EIPR1: variants seen among roughly 807,000 people sequenced by gnomAD.
The protein encoded by EIPR1 is EARP and GARP complex-interacting protein 1.
Under a neutral mutation model 48.1 loss-of-function variants are expected in EIPR1, and 25 were observed. The observed-to-expected ratio is 0.52, with a 90% CI of 0.38 to 0.73. The LOEUF (loss-of-function observed/expected upper bound fraction) is 0.73, where lower values mean the gene tolerates loss of function less well. Among genes scored for constraint, EIPR1 ranks in the 30% least tolerant of loss-of-function variants. The pLI, the probability that EIPR1 is intolerant of heterozygous loss-of-function variation, is 0.00. For synonymous variants in EIPR1, 204 were observed against 201.9 expected, an observed-to-expected ratio of 1.01 and a Z score of -0.09; for missense variants, 415 against 506.2, an observed-to-expected ratio of 0.82 and a Z score of 1.73.
chr2:3,355,999 C>T (rs1042881130), intron 1 of EIPR1, among the ~76,000 whole-genome samples: 1 of 152,148 alleles, frequency 6.6e-6, no homozygotes, highest in East Asian at 1.9e-4. Flanking sequence ...AGGAGACTTA[C>T]TAGCGAGTGC....
intron 3 of EIPR1, among the ~76,000 whole-genome samples, chr2:3,317,271 G>A (rs1359052311): frequency 6.6e-6 from 1 of 151,804 alleles, no homozygotes; most frequent in Non-Finnish European, 1.5e-5. Flanking sequence ...TGCATGCCGG[G>A]TAGAGAACAG....
At position 3,192,485 on chromosome 2, in the gene EIPR1, C is replaced by T. The variant is rs562421827; in HGVS notation, c.918G>A (p.Ser306=). The T allele has an allele frequency of 2.2e-5, 35 of 1,613,084 alleles. No homozygotes were observed. The highest frequency in any genetic ancestry group is 3.3e-5 in the Admixed American group (2 of 59,938). Residue 306 remains serine (S), a synonymous_variant, in exon 8 of 9, where the codon TCG becomes TCA. Coordinates refer to ENST00000382125, the MANE Select transcript of EIPR1 (RefSeq NM_003310.5). ...CTACCAAGTGGCCGAAGGGCTCCGA[C>T]GAGATGGACACCATGTTGGAAAGGA... ...RVILSNMVSI[S]SEPFGHLVDD... is the part of the protein sequence containing the mutation.
chr2:3,231,057 T>C (rs552329757), intron 4 of EIPR1, among the ~76,000 whole-genome samples: 1 of 152,370 alleles, frequency 6.6e-6, no homozygotes, highest in Admixed American at 6.5e-5. Flanking sequence ...TGTACAGATC[T>C]TTCACTGCCT....
chr2:3,341,095 C>CAAAAAAAAAAAA (rs55667121), intron 2 of EIPR1, among the ~76,000 whole-genome samples: 44 of 22,172 alleles, frequency 2.0e-3, no homozygotes, highest in Non-Finnish European at 2.9e-3. Flanking sequence ...GATCCTGTCT[C>CAAAAAAAAAAAA]AAAAAAAAAA....
At chr2:3,323,849 C>T (rs1440734481) in intron 3 of EIPR1, among the ~76,000 whole-genome samples, 1 of 152,236 alleles carries the variant, frequency 6.6e-6, no homozygotes, top group East Asian at 1.9e-4. Context: ...CATAAGGAGG[C>T]AGCACAGTGC....
At chr2:3,341,284 A>G (rs1670240162) in intron 2 of EIPR1, among the ~76,000 whole-genome samples, 1 of 152,050 alleles carries the variant, frequency 6.6e-6, no homozygotes, top group African/African-American at 2.4e-5. Context: ...AGGCAAAACC[A>G]ACTGAGGTAA....
At chr2:3,281,622 G>C (rs1414215699) in intron 3 of EIPR1, among the ~76,000 whole-genome samples, 1 of 152,174 alleles carries the variant, frequency 6.6e-6, no homozygotes, top group African/African-American at 2.4e-5. Flanking sequence ...CGCGTGCCTG[G>C]AAGGGCTCAG....
intron 3 of EIPR1, among the ~76,000 whole-genome samples, chr2:3,334,856 G>A (rs62119492): frequency 0.17 from 26,217 of 152,246 alleles, 2,445 homozygotes; most frequent in Non-Finnish European, 0.21. Context: ...TGCCTTCAAA[G>A]TCTGGCAGAA....
intron 4 of EIPR1, among the ~76,000 whole-genome samples, chr2:3,217,854 G>C (rs1034554854): frequency 2.6e-5 from 4 of 152,150 alleles, no homozygotes; most frequent in East Asian, 1.9e-4. Flanking sequence ...ACCCCACAGA[G>C]TGTGAGTGTC....
At chr2:3,274,130 G>A (rs573698583) in intron 3 of EIPR1, among the ~76,000 whole-genome samples, 15 of 152,296 alleles carry the variant, frequency 9.8e-5, no homozygotes, top group African/African-American at 2.6e-4. Context: ...AGACTGCAGC[G>A]TGGGAATGTG....
chr2:3,227,810 G>A (rs983373213), intron 4 of EIPR1, among the ~76,000 whole-genome samples: 1 of 152,264 alleles, frequency 6.6e-6, no homozygotes, highest in African/African-American at 2.4e-5. Flanking sequence ...AAGGGGCCAA[G>A]GTATAGCTCA....
At chr2:3,219,068 G>A (rs1189037186) in intron 4 of EIPR1, among the ~76,000 whole-genome samples, 7 of 143,622 alleles carry the variant, frequency 4.9e-5, no homozygotes, top group Admixed American at 2.8e-4. Flanking sequence ...ACCCAACACG[G>A]CCCTGGTATA....
rs532912566 is a variant in EIPR1 at position 3,289,747 on chromosome 2, C to T, written c.260-32292G>A. 3.9e-5 allele frequency among the ~76,000 whole-genome samples: 6 copies of T among 152,344 alleles called. 1 individual carries two copies. Among genetic ancestry groups the T allele is most frequent in the Admixed American group, 3.3e-4 (5 of 15,294 alleles). On this transcript the variant is annotated intron_variant, in intron 3 of 8. Transcript: ENST00000382125. ...TCAGCAGACGAGTAGACACATGATA[C>T]GCAATTCACACTTAGTGTCCAAAGC...
At chr2:3,325,960 G>A (rs974494448) in intron 3 of EIPR1, among the ~76,000 whole-genome samples, 1 of 152,256 alleles carries the variant, frequency 6.6e-6, no homozygotes, top group Admixed American at 6.5e-5. Context: ...TGAGCCGTGA[G>A]GGCGGATAGA....
intron 1 of EIPR1, among the ~76,000 whole-genome samples, chr2:3,375,297 G>A (rs1461360460): frequency 6.6e-6 from 1 of 150,600 alleles, no homozygotes; most frequent in African/African-American, 2.5e-5. Context: ...GAGTTAATGG[G>A]TGCAGCACAC....
At chr2:3,269,819 C>A (rs1423178289) in intron 3 of EIPR1, among the ~76,000 whole-genome samples, 2 of 152,246 alleles carry the variant, frequency 1.3e-5, no homozygotes, top group African/African-American at 4.8e-5. Context: ...GCAGATGGCA[C>A]AACTAGAGGC....
chr2:3,225,499 G>C (rs758520562), intron 4 of EIPR1, among the ~76,000 whole-genome samples: 1 of 152,164 alleles, frequency 6.6e-6, no homozygotes, highest in Non-Finnish European at 1.5e-5. Context: ...TTCTGTCTCA[G>C]CTTCCCAAAG....
intron 3 of EIPR1, among the ~76,000 whole-genome samples, chr2:3,316,713 C>T (rs943864439): frequency 2.6e-5 from 4 of 152,198 alleles, no homozygotes; most frequent in African/African-American, 7.2e-5. Flanking sequence ...GGTTGCTGTA[C>T]AGATAACTTC....
intron 3 of EIPR1, among the ~76,000 whole-genome samples, chr2:3,294,683 T>TGC (rs1558279463): frequency 2.6e-5 from 2 of 76,922 alleles, no homozygotes; most frequent in African/African-American, 1.0e-4. Context: ...CCGTCCTCTC[T>TGC]ACACACACCC....
Sources: gnomAD v4.1 joint callset for allele counts (sites outside exome capture counted in the v4.1 genomes callset) on GRCh38, gnomAD v4.1.1 for gene constraint, MANE v1.5 for transcripts, NCBI Gene and HGNC (gene_info 2026-07-23, HGNC 2026-07-21) for gene names.